Variants in KLHL21 observed in about 807,000 individuals in gnomAD.
KLHL21 encodes the protein kelch-like protein 21.
Under a neutral mutation model 44.1 loss-of-function variants are expected in KLHL21, and 42 were observed. The observed-to-expected ratio is 0.95, with a 90% CI of 0.74 to 1.23. KLHL21 has a LOEUF of 1.23. Ranked by LOEUF, KLHL21 falls within the 50% of genes most tolerant of loss-of-function variation. The pLI is 0.00. For missense variants in KLHL21, 918 were observed against 889.1 expected (o/e 1.03, Z -0.41); for synonymous variants, 524 against 411.6 (o/e 1.27, Z -3.31).
At chr1:6,595,291 A>G (rs1437875866) in intron 3 of KLHL21, 194 bp downstream of exon 3, 3 of 669,670 alleles carry the variant, frequency 4.5e-6, no homozygotes, top group African/African-American at 3.6e-5. Flanking sequence ...TAAGCTGTGT[A>G]ATCATAGGGT....
chr1:6,601,465 G>A (rs568801201), intron 1 of KLHL21, among the ~76,000 whole-genome samples: 9 of 152,298 alleles, frequency 5.9e-5, no homozygotes, highest in Admixed American at 3.3e-4. Context: ...TCCTTAAGGA[G>A]AAAAAGAAAG....
At position 6,593,350 on chromosome 1, in the gene KLHL21, C is replaced by T. The variant is rs376195825; in HGVS notation, c.*15G>A. On this transcript the variant is annotated 3_prime_UTR_variant, in exon 4 of 4. Coordinates refer to ENST00000377658, the MANE Select transcript of KLHL21 (RefSeq NM_014851.4). ...CAGTTACCTGCACCGAGGCCCGTGC[C>T]GGGCCAGACTGGGGCTAGTGCAGCT... 6.4e-6 allele frequency: 10 copies of T among 1,560,446 alleles called. No individual in the cohort carries two copies. The East Asian group carries it at 1.1e-4, about 18-fold the overall frequency.
Position 6,593,303 on chromosome 1 carries a change from G to A in KLHL21, c.*62C>T. ...ACGTGTCCTTGTGCACAAAGGAGTG[G>A]GGCACTGCCCCGCAGAGGTGCCAGT... On this transcript the variant is annotated 3_prime_UTR_variant, in exon 4 of 4. Coordinates refer to ENST00000377658, the MANE Select transcript of KLHL21 (RefSeq NM_014851.4). The A allele has an allele frequency of 6.8e-7, 1 of 1,476,340 alleles. No individual in the cohort carries two copies. The highest frequency in any genetic ancestry group is 1.3e-5 in the South Asian group (1 of 79,026). The allele number at this position is 1,476,340 out of a possible 1,614,324, so 91.5% of individuals were successfully genotyped here.
In KLHL21 at chr1:6,590,761, G is replaced by T. The variant is rs375224029; in HGVS notation, c.*2604C>A. The T allele has an allele frequency of 1.0e-3, 408 of 394,156 alleles. 6 individuals carry two copies. The South Asian group carries it at 0.023, about 22-fold the overall frequency. 24.4% of individuals were successfully genotyped at this position (394,156 alleles called of 1,614,324 possible). A position where few individuals can be genotyped will look rare whatever the true frequency, so the allele number is the denominator to read the frequency against. On this transcript the variant is annotated 3_prime_UTR_variant, in exon 4 of 4. Coordinates refer to ENST00000377658, the MANE Select transcript of KLHL21 (RefSeq NM_014851.4). ...ACTTTTATTGCAAAAAGTACTGAAGGTACCCTAAAACCTTAAGCAGGATTC... is the reference window on the plus strand; with the variant it reads ...ACTTTTATTGCAAAAAGTACTGAAGTTACCCTAAAACCTTAAGCAGGATTC...
At position 6,602,752 on chromosome 1, in the gene KLHL21, C is replaced by T. The variant is rs545710623; in HGVS notation, c.66G>A (p.Leu22=). The T allele has an allele frequency of 5.2e-5, 79 of 1,509,878 alleles. No homozygotes were observed. The South Asian group carries it at 5.8e-4, about 11-fold the overall frequency. 93.5% of individuals were successfully genotyped at this position (1,509,878 alleles called of 1,614,324 possible). A position where few individuals can be genotyped will look rare whatever the true frequency, so the allele number is the denominator to read the frequency against. Residue 22 remains leucine, a synonymous_variant, in exon 1 of 4, where the codon CTG becomes CTA. Coordinates refer to ENST00000377658, the MANE Select transcript of KLHL21 (RefSeq NM_014851.4). The stretch of plus-strand genomic sequence containing the variant: ...CGGCGCGCAGCTGGCTCAGGCCGCG[C>T]AGCAGGCTCAGGGCGTGCGCGGGGT... ...FSDPAHALSL[L]RGLSQLRAER... is the part of the protein sequence containing the mutation.
Position 6,593,425 on chromosome 1 carries a change from G to A in KLHL21, c.1734C>T (p.Gly578=). The A allele has an allele frequency of 1.2e-6, 2 of 1,612,186 alleles. No individual in the cohort carries two copies. Among genetic ancestry groups the A allele is most frequent in the Non-Finnish European group, 1.7e-6 (2 of 1,179,398 alleles). The change falls in exon 4 of 4, where the codon GGC becomes GGT. Residue 578 remains glycine (G), a synonymous_variant. Coordinates refer to ENST00000377658, the MANE Select transcript of KLHL21 (RefSeq NM_014851.4). ...GTCGGCCTGGGTCCATGTCATCGCTGCCACTGTCCAACTCGAAGCCACGCC... is the reference window on the plus strand; with the variant it reads ...GTCGGCCTGGGTCCATGTCATCGCTACCACTGTCCAACTCGAAGCCACGCC... ...SGGRGFELDS[G]SDDMDPGRPR...
intron 1 of KLHL21, among the ~76,000 whole-genome samples, chr1:6,601,444 C>G (rs1477746869): frequency 1.3e-5 from 2 of 152,148 alleles, no homozygotes; most frequent in African/African-American, 4.8e-5. Flanking sequence ...GCCTCCTGCC[C>G]GTCCCTGGAT....
chr1:6,591,214 T>C lies in KLHL21; in HGVS notation c.*2151A>G, dbSNP rs1640844948. Reference sequence around the variant, plus strand: ...GGTGCCTGGTTTTCCCCATACTTGGTCTTCTAAACCCAAAGACAGGGTCCT... The same window carrying C: ...GGTGCCTGGTTTTCCCCATACTTGGCCTTCTAAACCCAAAGACAGGGTCCT... On this transcript the variant is annotated 3_prime_UTR_variant, in exon 4 of 4. Coordinates refer to ENST00000377658, the MANE Select transcript of KLHL21 (RefSeq NM_014851.4). 1 of 387,020 alleles carries C rather than the reference T, an allele frequency of 2.6e-6. No individual in the cohort carries two copies. Among genetic ancestry groups the C allele is most frequent in the Non-Finnish European group, 4.6e-6 (1 of 218,878 alleles). The allele number at this position is 387,020 out of a possible 1,614,324, so 24.0% of individuals were successfully genotyped here.
chr1:6,594,276 A>G (rs1275438988), intron 3 of KLHL21: 1 of 163,976 alleles, frequency 6.1e-6, no homozygotes, highest in Non-Finnish European at 1.3e-5. Context: ...CACTGCTCAC[A>G]TGGCCAAATG....
intron 2 of KLHL21, among the ~76,000 whole-genome samples, chr1:6,596,831 C>G (rs994264591): frequency 3.3e-5 from 5 of 152,204 alleles, no homozygotes; most frequent in African/African-American, 4.8e-5. Context: ...GTACCAGAAC[C>G]AAGGGGAGGG....
intron 2 of KLHL21, among the ~76,000 whole-genome samples, chr1:6,597,434 T>A (rs1331176612): frequency 6.6e-6 from 1 of 152,134 alleles, no homozygotes; most frequent in Non-Finnish European, 1.5e-5. Context: ...CTCCACCCCC[T>A]CTTTGAAGAC....
chr1:6,596,917 C>A (rs1329382055), intron 2 of KLHL21, among the ~76,000 whole-genome samples: 1 of 152,236 alleles, frequency 6.6e-6, no homozygotes, highest in Non-Finnish European at 1.5e-5. Context: ...GTCCTAGGCA[C>A]AAGCTGCCCA....
At position 6,602,532 on chromosome 1, in the gene KLHL21, T is replaced by C. The variant is rs1361457822; in HGVS notation, c.286A>G (p.Thr96Ala). 1 of 1,539,950 alleles carries C rather than the reference T, an allele frequency of 6.5e-7. No individual in the cohort carries two copies. The highest frequency in any genetic ancestry group is 8.7e-7 in the Non-Finnish European group (1 of 1,148,480). The change falls in exon 1 of 4, where the codon ACG becomes GCG. Residue 96 changes from threonine (T) to alanine (A), a missense_variant. Physicochemically the swap from Thr to Ala is moderately conservative, Grantham distance 58 (BLOSUM62 0). Transcript: ENST00000377658. ...TCGCCGCTTACCGCCACGCGGCCCG[T>C]GTAGCTGAAGTCCAGCAGCAGCTGC... ...MLQLLLDFSY[T>A]GRVAVSGDNA...
chr1:6,593,701 G>A, intron 3 of KLHL21, 43 bp from the exon 4 acceptor site: 1 of 1,521,760 alleles, frequency 6.6e-7, no homozygotes, highest in Non-Finnish European at 8.8e-7. Context: ...AGAGGAGAGG[G>A]TAGGGCAGGG....
At chr1:6,598,481 A>G (rs1640959034) in intron 2 of KLHL21, among the ~76,000 whole-genome samples, 1 of 151,988 alleles carries the variant, frequency 6.6e-6, no homozygotes, top group South Asian at 2.1e-4. Context: ...GAGGCAGGAG[A>G]ATGGCTTGAA....
In KLHL21 at chr1:6,602,290, C is replaced by CA. The variant is rs1641037442; in HGVS notation, c.527dup (p.Pro177AlafsTer33). 4 of 1,555,390 alleles carry CA rather than the reference C, an allele frequency of 2.6e-6. No homozygotes were observed. The highest frequency in any genetic ancestry group is 3.5e-6 in the Non-Finnish European group (4 of 1,158,004). On this transcript the variant is annotated frameshift_variant, in exon 1 of 4. Transcript: ENST00000377658. LOFTEE classifies it high-confidence loss of function. The stretch of plus-strand genomic sequence containing the variant: ...GGTAGCGCAGCAGGCGCGCCAGTGG[C>CA]AGCCGCTCCAGCTGCTCGGCGCCCA...
At position 6,599,145 on chromosome 1, in the gene KLHL21, C is replaced by A. The variant is rs551353971; in HGVS notation, c.1329G>T (p.Pro443=). ...KETMVMQCYD[P]DTDLWSLVDC... is the part of the protein sequence containing the mutation. ...CCACCAGCGACCACAGGTCGGTGTC[C>A]GGGTCGTAGCACTGCATCACCATGG... The change falls in exon 2 of 4, where the codon CCG becomes CCT. Residue 443 remains proline (P), a synonymous_variant. Transcript: ENST00000377658. 6.2e-7 allele frequency: 1 copy of A among 1,613,946 alleles called. No individual in the cohort carries two copies. The highest frequency in any genetic ancestry group is 1.1e-5 in the South Asian group (1 of 91,070).
Position 6,602,198 on chromosome 1 carries a change from C to T in KLHL21, c.620G>A (p.Arg207His). The change falls in exon 1 of 4, where the codon CGC becomes CAC. Residue 207 changes from arginine to histidine, a missense_variant. Coordinates refer to ENST00000377658, the MANE Select transcript of KLHL21 (RefSeq NM_014851.4). ...CGCGGCGCGGCGCGGCGGGTCAGCGCGGACCCAGCGCAGCGCCAGCTGGTA... is the reference window on the plus strand; with the variant it reads ...CGCGGCGCGGCGCGGCGGGTCAGCGTGGACCCAGCGCAGCGCCAGCTGGTA... ...AAYQLALRWV[R>H]ADPPRRAAHW... 6.7e-7 allele frequency: 1 copy of T among 1,503,520 alleles called. No individual in the cohort carries two copies. The highest frequency in any genetic ancestry group is 8.8e-7 in the Non-Finnish European group (1 of 1,133,790). 93.1% of individuals were successfully genotyped at this position (1,503,520 alleles called of 1,614,324 possible).
At chr1:6,593,965 C>G in intron 3 of KLHL21, 2 of 1,175,214 alleles carry the variant, frequency 1.7e-6, no homozygotes, top group African/African-American at 1.5e-5. Context: ...CAGTGGCCCT[C>G]TGGGCTGAGC....
Sources: gnomAD v4.1 joint callset for allele counts (sites outside exome capture counted in the v4.1 genomes callset) on GRCh38, gnomAD v4.1.1 for gene constraint, MANE v1.5 for transcripts, NCBI Gene and HGNC (gene_info 2026-07-23, HGNC 2026-07-21) for gene names.